Variants in RASAL2 observed in about 807,000 individuals in gnomAD.
RASAL2 encodes the protein ras GTPase-activating protein nGAP.
Under a neutral mutation model 128.9 loss-of-function variants are expected in RASAL2, and 58 were observed. The ratio of observed to expected loss-of-function variants is 0.45; its 90% CI spans 0.36 to 0.56. RASAL2 has a LOEUF of 0.56. RASAL2 is among the 20% of genes least tolerant of loss of function. The pLI, the probability that RASAL2 is intolerant of heterozygous loss-of-function variation, is 0.00. For synonymous variants in RASAL2, 561 were observed against 580.8 expected (o/e 0.97, Z 0.49); for missense variants, 1,360 against 1,601.6 (o/e 0.85, Z 2.57).
intron 17 of RASAL2, among the ~76,000 whole-genome samples, chr1:178,471,749 C>T (rs1648292594): frequency 6.6e-6 from 1 of 152,034 alleles, no homozygotes; most frequent in African/African-American, 2.4e-5. Context: ...TGTGATTTTA[C>T]CTAGATTTTT....
intron 3 of RASAL2, among the ~76,000 whole-genome samples, chr1:178,348,895 G>A (rs1300774689): frequency 6.6e-6 from 1 of 151,172 alleles, no homozygotes; most frequent in East Asian, 2.0e-4. Context: ...CGCCTCCTGG[G>A]TTCATGCCAT....
intron 3 of RASAL2, among the ~76,000 whole-genome samples, chr1:178,320,454 G>C (rs1400970543): frequency 6.6e-6 from 1 of 152,196 alleles, no homozygotes; most frequent in African/African-American, 2.4e-5. Flanking sequence ...GACTCCGTGG[G>C]CGTAGGACCC....
chr1:178,111,030 A>G (rs755268483), intron 1 of RASAL2, among the ~76,000 whole-genome samples: 1 of 152,160 alleles, frequency 6.6e-6, no homozygotes, highest in Non-Finnish European at 1.5e-5. Flanking sequence ...TGTAAGTGGA[A>G]TTGTATGATA....
intron 3 of RASAL2, among the ~76,000 whole-genome samples, chr1:178,303,479 A>T (rs1232272521): frequency 6.6e-6 from 1 of 151,886 alleles, no homozygotes; most frequent in Non-Finnish European, 1.5e-5. Context: ...AAAAAGGTTC[A>T]TGCAAAAATC....
At chr1:178,269,555 G>A (rs1289087343) in intron 1 of RASAL2, among the ~76,000 whole-genome samples, 1 of 152,114 alleles carries the variant, frequency 6.6e-6, no homozygotes, top group Non-Finnish European at 1.5e-5. Context: ...GATAAAATAG[G>A]TTGCAGTAAA....
intron 4 of RASAL2, among the ~76,000 whole-genome samples, chr1:178,393,540 C>T (rs1047361550): frequency 2.0e-5 from 3 of 152,190 alleles, no homozygotes; most frequent in Non-Finnish European, 4.4e-5. Flanking sequence ...TGATGTTTTA[C>T]TCGCTCACCT....
At chr1:178,405,357 C>T (rs942144415) in intron 4 of RASAL2, among the ~76,000 whole-genome samples, 4 of 152,160 alleles carry the variant, frequency 2.6e-5, no homozygotes, top group East Asian at 1.9e-4. Flanking sequence ...TGGTTCCTCC[C>T]CCATCTCCCA....
At chr1:178,369,891 A>G (rs1340724665) in intron 3 of RASAL2, among the ~76,000 whole-genome samples, 1 of 152,206 alleles carries the variant, frequency 6.6e-6, no homozygotes, top group Non-Finnish European at 1.5e-5. Flanking sequence ...GTAAACAAGT[A>G]ATTTTAATAA....
At chr1:178,321,711 G>A (rs571086317) in intron 3 of RASAL2, among the ~76,000 whole-genome samples, 2 of 151,834 alleles carry the variant, frequency 1.3e-5, no homozygotes, top group Admixed American at 6.6e-5. Context: ...TTTGTAGGTC[G>A]GGTGCAGTGG....
intron 4 of RASAL2, among the ~76,000 whole-genome samples, chr1:178,409,793 C>T (rs1674241335): frequency 6.6e-6 from 1 of 152,106 alleles, no homozygotes; most frequent in African/African-American, 2.4e-5. Context: ...AGGCAATGGG[C>T]AACTGGGCAT....
intron 1 of RASAL2, among the ~76,000 whole-genome samples, chr1:178,252,690 A>G (rs1208967823): frequency 2.0e-5 from 3 of 152,210 alleles, no homozygotes; most frequent in Non-Finnish European, 4.4e-5. Context: ...ATTAAAGGGA[A>G]AAACTTTATA....
At chr1:178,176,183 A>G (rs766054193) in intron 1 of RASAL2, among the ~76,000 whole-genome samples, 8 of 152,116 alleles carry the variant, frequency 5.3e-5, no homozygotes, top group South Asian at 2.1e-4. Context: ...CCAGCAGTGT[A>G]TAAGCATTCC....
intron 1 of RASAL2, among the ~76,000 whole-genome samples, chr1:178,260,208 C>T (rs938698976): frequency 9.3e-5 from 14 of 149,814 alleles, no homozygotes; most frequent in Non-Finnish European, 1.6e-4. Context: ...AAAAAATTAG[C>T]CGGGCGTGGT....
At chr1:178,127,507 T>C (rs1659944786) in intron 1 of RASAL2, among the ~76,000 whole-genome samples, 1 of 152,174 alleles carries the variant, frequency 6.6e-6, no homozygotes, top group Non-Finnish European at 1.5e-5. Flanking sequence ...TAGTGTTTTC[T>C]CTGATTTTTA....
intron 3 of RASAL2, among the ~76,000 whole-genome samples, chr1:178,363,597 C>T (rs1671239066): frequency 1.3e-5 from 2 of 152,116 alleles, no homozygotes; most frequent in South Asian, 4.2e-4. Context: ...CATTAAACAG[C>T]CTCATTAAAT....
rs1677633856 is a variant in RASAL2, at chr1:178,454,592, C to T, written c.2155C>T (p.Arg719Ter). Residue 719 changes from arginine (R) to a stop codon, truncating the protein, a stop_gained, in exon 12 of 18, where the codon CGA (arginine) becomes TGA (stop). Transcript: ENST00000367649. LOFTEE classifies it high-confidence loss of function. The part of the protein sequence containing the change: ...PGFDGYIDLG[R>*]ELSVLHSLLW... ...CTTTGATGGTTACATTGATCTGGGC[C>T]GAGAGCTTTCAGTTTTGCATTCCTT... is the stretch of plus-strand genomic sequence containing the variant. The T allele has an allele frequency of 3.1e-6, 5 of 1,613,852 alleles. No homozygotes were observed. Among genetic ancestry groups the T allele is most frequent in the Non-Finnish European group, 4.2e-6 (5 of 1,179,824 alleles).
chr1:178,390,039 C>A, intron 3 of RASAL2, 61 bp from the exon 4 acceptor site: 1 of 1,046,078 alleles, frequency 9.6e-7, no homozygotes, highest in Non-Finnish European at 1.4e-6. Context: ...CTTTACAGTT[C>A]AGTGGAAGAT....
chr1:178,462,901 G>C (rs1647260352), intron 14 of RASAL2, among the ~76,000 whole-genome samples: 1 of 152,092 alleles, frequency 6.6e-6, no homozygotes, highest in Non-Finnish European at 1.5e-5. Context: ...GACTAAACCA[G>C]ATCTTTCTTC....
At chr1:178,113,328 C>A (rs769806590) in intron 1 of RASAL2, among the ~76,000 whole-genome samples, 19 of 151,474 alleles carry the variant, frequency 1.3e-4, no homozygotes, top group Non-Finnish European at 2.5e-4. Context: ...CATTTGCATG[C>A]CCATAGGTCT....
Sources: gnomAD v4.1 joint callset for allele counts (sites outside exome capture counted in the v4.1 genomes callset) on GRCh38, gnomAD v4.1.1 for gene constraint, MANE v1.5 for transcripts, NCBI Gene and HGNC (gene_info 2026-07-23, HGNC 2026-07-21) for gene names.